The following ANO10 variants were observed in gnomAD, a reference collection of about 807,000 sequenced individuals.
ANO10 encodes anoctamin-10.
ANO10 carries 77 observed loss-of-function variants against 74.7 expected under a neutral mutation model. The ratio of observed to expected loss-of-function variants is 1.03; its 90% CI spans 0.86 to 1.25. The LOEUF (loss-of-function observed/expected upper bound fraction) is 1.25, where lower values mean the gene tolerates loss of function less well. Among genes scored for constraint, ANO10 ranks in the 50% most tolerant of loss-of-function variants. The pLI is 0.00. For missense variants in ANO10, 721 were observed against 778.1 expected (o/e 0.93, Z 0.87); for synonymous variants, 279 against 284.9 (o/e 0.98, Z 0.21).
rs575476370 is a variant in ANO10, at chr3:43,533,686, T to A, written c.1797+16034A>T. On this transcript the variant is annotated intron_variant, in intron 11 of 12. Coordinates refer to ENST00000292246, the MANE Select transcript of ANO10 (RefSeq NM_018075.5). The stretch of plus-strand genomic sequence containing the variant: ...TTTTGCTAAATGATGGTGAAACTGA[T>A]CCAAATCTGAAATAATAAGCACACC... Among the ~76,000 whole-genome samples, 4 of 152,318 alleles carry A rather than the reference T, an allele frequency of 2.6e-5. No homozygotes were observed. In the South Asian group the frequency reaches 8.3e-4, roughly 32 times the overall value.
chr3:43,436,416 A>C (rs1256231436), intron 11 of ANO10, among the ~76,000 whole-genome samples: 4 of 152,194 alleles, frequency 2.6e-5, no homozygotes. Flanking sequence ...CTTCATCAAC[A>C]ATCTTCTTTT....
At chr3:43,648,431 T>C (rs1472450441) in intron 1 of ANO10, among the ~76,000 whole-genome samples, 1 of 152,172 alleles carries the variant, frequency 6.6e-6, no homozygotes, top group Non-Finnish European at 1.5e-5. Flanking sequence ...AATAAAATAA[T>C]GGCTACTCTA....
chr3:43,392,337 A>G (rs1180966140), intron 12 of ANO10, among the ~76,000 whole-genome samples: 1 of 152,224 alleles, frequency 6.6e-6, no homozygotes, highest in East Asian at 1.9e-4. Context: ...AAAAAAATAA[A>G]TATCAGTGTA....
In ANO10 at chr3:43,555,417, A is replaced by C. The variant is rs387907089; in HGVS notation, c.1529T>G (p.Leu510Arg). ...ELFLQFGYVS[L>R]FSCVYPLAAA... ...TGCTAATGGGTAAACACAGGAGAAAAGGCTCACATAACCAAACTGCAGGAA... is the reference window on the plus strand; with the variant it reads ...TGCTAATGGGTAAACACAGGAGAAACGGCTCACATAACCAAACTGCAGGAA... Residue 510 changes from leucine (L) to arginine (R), a missense_variant, in exon 10 of 13, where the codon CTT becomes CGT. Transcript: ENST00000292246. The C allele has an allele frequency of 2.5e-6, 4 of 1,614,166 alleles. No individual in the cohort carries two copies. Among genetic ancestry groups the C allele is most frequent in the Non-Finnish European group, 3.4e-6 (4 of 1,180,014 alleles).
chr3:43,681,526 G>T (rs1036322121), intron 1 of ANO10, among the ~76,000 whole-genome samples: 7 of 152,036 alleles, frequency 4.6e-5, no homozygotes, highest in Admixed American at 4.6e-4. Flanking sequence ...CAACGAGACA[G>T]AAAGTAAACA....
At chr3:43,503,781 C>T (rs889652499) in intron 11 of ANO10, among the ~76,000 whole-genome samples, 3 of 152,162 alleles carry the variant, frequency 2.0e-5, no homozygotes, top group Admixed American at 6.5e-5. Flanking sequence ...TTTCTCAGTG[C>T]TATCATACAA....
chr3:43,581,917 C>T (rs1004659850), intron 4 of ANO10, among the ~76,000 whole-genome samples: 3 of 148,910 alleles, frequency 2.0e-5, no homozygotes, highest in African/African-American at 7.5e-5. Flanking sequence ...CAGAGCAAGA[C>T]CTCATCTCGA....
chr3:43,685,952 C>G (rs1271053474), intron 1 of ANO10, among the ~76,000 whole-genome samples: 1 of 152,184 alleles, frequency 6.6e-6, no homozygotes, highest in Non-Finnish European at 1.5e-5. Flanking sequence ...AAATTAATCA[C>G]TCTTTTCCTT....
chr3:43,638,866 C>T (rs1172242141), intron 1 of ANO10: 1 of 152,274 alleles, frequency 6.6e-6, no homozygotes, highest in Admixed American at 6.5e-5. Context: ...CAGTTTCTGA[C>T]AGGAATGTGG....
At chr3:43,680,965 T>C (rs1427694483) in intron 1 of ANO10, among the ~76,000 whole-genome samples, 4 of 152,196 alleles carry the variant, frequency 2.6e-5, no homozygotes, top group African/African-American at 4.8e-5. Flanking sequence ...TACCAGCCGC[T>C]GCAAAAACAT....
chr3:43,400,927 G>A (rs1393135104), intron 12 of ANO10, among the ~76,000 whole-genome samples: 1 of 152,170 alleles, frequency 6.6e-6, no homozygotes, highest in African/African-American at 2.4e-5. Context: ...TTGTCAAGAC[G>A]CAAGCCTATA....
In ANO10 at chr3:43,375,336, T is replaced by C. The variant is rs367761516; in HGVS notation, c.1915-8362A>G. On this transcript the variant is annotated intron_variant, in intron 12 of 12. Transcript: ENST00000292246. The stretch of plus-strand genomic sequence containing the variant: ...GGTGGCGGGCGCCTGTAATCCCAGC[T>C]ACTCGGGAGGCTAGTGTAGGAGAAT... Among the ~76,000 whole-genome samples the C allele has an allele frequency of 8.9e-4, 135 of 151,976 alleles. 1 individual carries two copies. The highest frequency in any genetic ancestry group is 3.3e-3 in the African/African-American group (135 of 41,430).
intron 1 of ANO10, among the ~76,000 whole-genome samples, chr3:43,682,013 AAAAG>A (rs1219957366): frequency 2.6e-5 from 4 of 152,228 alleles, no homozygotes; most frequent in African/African-American, 9.6e-5. Context: ...CATCACAATT[AAAAG>A]AAATAGAGAA....
chr3:43,577,279 A>G lies in ANO10; in HGVS notation c.593-18T>C. 6.2e-7 allele frequency: 1 copy of G among 1,607,182 alleles called. No individual in the cohort carries two copies. Among genetic ancestry groups the G allele is most frequent in the Non-Finnish European group, 8.5e-7 (1 of 1,174,514 alleles). ...AATACTGTCTATAGTGGAAACAAAG[A>G]AAGAACATAAGTATAGACTACCAAA... On this transcript the variant is annotated intron_variant, in intron 5 of 12. Transcript: ENST00000292246.
intron 4 of ANO10, among the ~76,000 whole-genome samples, chr3:43,596,682 C>G (rs143777674): frequency 2.0e-5 from 3 of 152,248 alleles, no homozygotes; most frequent in Non-Finnish European, 2.9e-5. Context: ...CTAGGCAATA[C>G]CATTCAGGAC....
At chr3:43,536,125 C>T (rs765221716) in intron 11 of ANO10, among the ~76,000 whole-genome samples, 7 of 152,332 alleles carry the variant, frequency 4.6e-5, no homozygotes, top group Admixed American at 6.5e-5. Flanking sequence ...ATTATTTAAA[C>T]ATTCCTGATA....
At chr3:43,561,472 T>C (rs183660225) in intron 8 of ANO10, 70 bp from the exon 9 acceptor site, 18 of 1,349,556 alleles carry the variant, frequency 1.3e-5, no homozygotes, top group Admixed American at 7.9e-5. Flanking sequence ...GTATAAATTA[T>C]ATATAAATTA....
intron 12 of ANO10, among the ~76,000 whole-genome samples, chr3:43,397,334 C>T (rs983581085): frequency 9.9e-5 from 15 of 152,136 alleles, no homozygotes; most frequent in South Asian, 2.1e-4. Context: ...ACTGTATTAA[C>T]GCCCTTGCTT....
At chr3:43,684,022 A>G (rs1343465948) in intron 1 of ANO10, among the ~76,000 whole-genome samples, 2 of 152,234 alleles carry the variant, frequency 1.3e-5, no homozygotes, top group African/African-American at 4.8e-5. Flanking sequence ...AGTCATGGAC[A>G]AGGACTTCAT....
Sources: allele counts gnomAD v4.1 joint callset (sites outside exome capture counted in the v4.1 genomes callset), GRCh38; gene constraint gnomAD v4.1.1; transcripts MANE v1.5; gene names NCBI Gene and HGNC (gene_info 2026-07-23, HGNC 2026-07-21).